Variants in SPTBN4 observed in about 807,000 individuals in gnomAD.
SPTBN4 encodes spectrin beta, non-erythrocytic 4.
SPTBN4 carries 96 observed loss-of-function variants against 277.8 expected under a neutral mutation model. That is an observed-to-expected ratio of 0.35 (90% CI 0.29 to 0.41). SPTBN4 has a LOEUF of 0.41. Ranked by LOEUF, SPTBN4 falls within the 10% of genes least tolerant of loss-of-function variation. The probability of loss-of-function intolerance (pLI) is 1.00; values close to 1 mark genes in which losing one functional copy is unlikely to be tolerated. For synonymous variants in SPTBN4, 1,481 were observed against 1,580.3 expected, an observed-to-expected ratio of 0.94 and a Z score of 1.49; for missense variants, 3,006 against 3,595.7, an observed-to-expected ratio of 0.84 and a Z score of 4.19.
At chr19:40,498,054 C>G (rs2080220692) in intron 7 of SPTBN4, among the ~76,000 whole-genome samples, 1 of 151,962 alleles carries the variant, frequency 6.6e-6, no homozygotes, top group African/African-American at 2.4e-5. Context: ...GGCTCCAACT[C>G]CATTCCTATC....
At chr19:40,468,649 A>C (rs1311093277) in intron 1 of SPTBN4, among the ~76,000 whole-genome samples, 3 of 152,040 alleles carry the variant, frequency 2.0e-5, no homozygotes, top group African/African-American at 7.2e-5. Context: ...CAAAGTGCTG[A>C]GATTATAAGC....
chr19:40,484,585 CAG>C (rs2080047489), intron 2 of SPTBN4, among the ~76,000 whole-genome samples: 1 of 152,008 alleles, frequency 6.6e-6, no homozygotes, highest in African/African-American at 2.4e-5. Flanking sequence ...TTATGGGAGT[CAG>C]GGGAAGAAAG....
At chr19:40,520,231 T>C in intron 16 of SPTBN4, 80 bp downstream of exon 16, 1 of 350,218 alleles carries the variant, frequency 2.9e-6, no homozygotes, top group African/African-American at 4.1e-5. Flanking sequence ...CATGCGGGGG[T>C]GGGGAGGAGG....
At chr19:40,497,636 G>C in intron 7 of SPTBN4, 32 bp downstream of exon 7, 1 of 1,576,226 alleles carries the variant, frequency 6.3e-7, no homozygotes, top group Non-Finnish European at 8.7e-7. Flanking sequence ...CCCAGACTTC[G>C]TCTTGGGGGA....
At chr19:40,484,587 G>A (rs1421317419) in intron 2 of SPTBN4, among the ~76,000 whole-genome samples, 2 of 152,096 alleles carry the variant, frequency 1.3e-5, no homozygotes, top group Non-Finnish European at 2.9e-5. Flanking sequence ...ATGGGAGTCA[G>A]GGGAAGAAAG....
intron 7 of SPTBN4, among the ~76,000 whole-genome samples, chr19:40,501,397 G>C (rs187776357): frequency 6.6e-6 from 1 of 152,148 alleles, no homozygotes; most frequent in Non-Finnish European, 1.5e-5. Flanking sequence ...GGCCAGGTGC[G>C]GTGGCTCACA....
rs1009202714 is a variant in SPTBN4, at chr19:40,566,981, A to C, written c.6336+622A>C. 1.1e-4 allele frequency: 35 copies of C among 306,310 alleles called. 1 individual carries two copies. The highest frequency in any genetic ancestry group is 2.8e-4 in the East Asian group (3 of 10,694). 19.0% of individuals were successfully genotyped at this position (306,310 alleles called of 1,614,324 possible). ...CAAAACAACAACAACAATAAAAAAA[A>C]AACAACAAAAAAAAACCGCTTAAAG... On this transcript the variant is annotated intron_variant, in intron 30 of 35. Transcript: ENST00000598249.
chr19:40,574,970 G>A (rs1303250384), intron 35 of SPTBN4, among the ~76,000 whole-genome samples: 1 of 146,626 alleles, frequency 6.8e-6, no homozygotes. Flanking sequence ...AGCTGACATC[G>A]AGCCATTGCA....
rs150945538 is a variant in SPTBN4 at position 40,470,037 on chromosome 19, C to T, written c.-15-2570C>T. 1.5e-3 allele frequency among the ~76,000 whole-genome samples: 229 copies of T among 152,020 alleles called. 1 individual carries two copies. The highest frequency in any genetic ancestry group is 0.014 in the Middle Eastern group (4 of 294). On this transcript the variant is annotated intron_variant, in intron 1 of 35. Transcript: ENST00000598249. ...TTTCTGAGATGGGGTCTCACTCTGT[C>T]GCCCAGGCTGGAGTGCAGTGGCACG...
chr19:40,546,426 C>T (rs1016610882), intron 20 of SPTBN4, among the ~76,000 whole-genome samples: 3 of 151,882 alleles, frequency 2.0e-5, no homozygotes, highest in African/African-American at 7.3e-5. Context: ...ATGCATTGAA[C>T]AAATCATAAC....
At chr19:40,533,245 G>A (rs777036043) in intron 19 of SPTBN4, among the ~76,000 whole-genome samples, 3 of 152,104 alleles carry the variant, frequency 2.0e-5, no homozygotes, top group Non-Finnish European at 4.4e-5. Flanking sequence ...TCAGTTTGCT[G>A]TTCTATAAAA....
At chr19:40,478,970 T>C (rs986094693) in intron 2 of SPTBN4, among the ~76,000 whole-genome samples, 2 of 152,192 alleles carry the variant, frequency 1.3e-5, no homozygotes, top group Non-Finnish European at 2.9e-5. Context: ...CCAGTAACAT[T>C]CAGCTTAATA....
chr19:40,484,222 T>G (rs1294400096), intron 2 of SPTBN4, among the ~76,000 whole-genome samples: 1 of 152,142 alleles, frequency 6.6e-6, no homozygotes, highest in Non-Finnish European at 1.5e-5. Context: ...TTAACCCCAC[T>G]ATTGATAATG....
Position 40,554,803 on chromosome 19 carries a change from T to A in SPTBN4, c.5084+157T>A. 8.7e-7 allele frequency: 1 copy of A among 1,153,894 alleles called. No individual in the cohort carries two copies. The highest frequency in any genetic ancestry group is 1.2e-6 in the Non-Finnish European group (1 of 811,420). 71.5% of individuals were successfully genotyped at this position (1,153,894 alleles called of 1,614,324 possible). A position where few individuals can be genotyped will look rare whatever the true frequency, so the allele number is the denominator to read the frequency against. On this transcript the variant is annotated intron_variant, in intron 24 of 35. Transcript: ENST00000598249. This position sits in a 1 kb window ranked among gnomAD's most constrained non-coding sequence, Gnocchi z 5.7. The stretch of plus-strand genomic sequence containing the variant: ...AATTTGGCAAGTGGGCGGGCCGGAA[T>A]GGGGGGACACGGCTCAGGGATGGTT...
intron 17 of SPTBN4, among the ~76,000 whole-genome samples, chr19:40,524,235 T>C (rs937161213): frequency 1.3e-5 from 2 of 152,094 alleles, no homozygotes; most frequent in African/African-American, 2.4e-5. Context: ...CTGGGTGCAG[T>C]GACTCATGCC....
At chr19:40,471,194 A>G (rs2079880907) in intron 1 of SPTBN4, among the ~76,000 whole-genome samples, 1 of 151,902 alleles carries the variant, frequency 6.6e-6, no homozygotes, top group Non-Finnish European at 1.5e-5. Flanking sequence ...TGATCTACCC[A>G]TCTCAGCCCC....
intron 22 of SPTBN4, among the ~76,000 whole-genome samples, chr19:40,551,198 G>C (rs939055574): frequency 1.3e-5 from 2 of 152,142 alleles, no homozygotes; most frequent in Admixed American, 6.6e-5. Flanking sequence ...TATTGGACAA[G>C]GAAAAAGTAA....
Position 40,502,573 on chromosome 19 carries a change from C to T in SPTBN4, c.1203+66C>T. ...GGAGTTGTATAGGTTGCACACTGCT[C>T]AAGGGAATCATTCACATTGTAGACA... On this transcript the variant is annotated intron_variant, in intron 10 of 35. Transcript: ENST00000598249. The surrounding 1 kb of genome is among the most constrained non-coding windows in gnomAD (Gnocchi z 4.9). 1 of 1,476,132 alleles carries T rather than the reference C, an allele frequency of 6.8e-7. No homozygotes were observed. The highest frequency in any genetic ancestry group is 2.3e-5 in the East Asian group (1 of 43,968). 91.4% of individuals were successfully genotyped at this position (1,476,132 alleles called of 1,614,324 possible). A position where few individuals can be genotyped will look rare whatever the true frequency, so the allele number is the denominator to read the frequency against.
Position 40,567,776 on chromosome 19 carries a change from AG to A in SPTBN4, c.6455del (p.Gly2152AlafsTer292). On this transcript the variant is annotated frameshift_variant, in exon 31 of 36. Coordinates refer to ENST00000598249, the MANE Select transcript of SPTBN4 (RefSeq NM_020971.3). LOFTEE classifies it high-confidence loss of function. ...AAKAAPLLRP[G>X]GYERGLEPLA... Reference sequence around the variant, plus strand: ...CCAAGGCGGCGCCCCTGCTGCGGCCAGGGGGCTATGAAAGGGGCTTGGAGCC... The same window carrying A: ...CCAAGGCGGCGCCCCTGCTGCGGCCAGGGGCTATGAAAGGGGCTTGGAGCC... The A allele has an allele frequency of 5.2e-6, 8 of 1,527,738 alleles. No homozygotes were observed. The highest frequency in any genetic ancestry group is 2.8e-5 in the African/African-American group (2 of 70,218). The allele number at this position is 1,527,738 out of a possible 1,614,324, so 94.6% of individuals were successfully genotyped here.
Sources: gnomAD v4.1 joint callset for allele counts (sites outside exome capture counted in the v4.1 genomes callset) on GRCh38, gnomAD v4.1.1 for gene constraint, Gnocchi (gnomAD v3.1) non-coding constraint, MANE v1.5 for transcripts, NCBI Gene and HGNC (gene_info 2026-07-23, HGNC 2026-07-21) for gene names.